NDE1: variants seen among roughly 807,000 people sequenced by gnomAD.
The protein encoded by NDE1 is nuclear distribution protein nudE homolog 1.
NDE1 carries 28 observed loss-of-function variants against 43.4 expected under a neutral mutation model. The ratio of observed to expected loss-of-function variants is 0.65; its 90% CI spans 0.48 to 0.89. The LOEUF is 0.89. Ranked by LOEUF, NDE1 falls within the 40% of genes least tolerant of loss-of-function variation. The pLI is 0.00. For synonymous variants in NDE1, 184 were observed against 172.0 expected, an observed-to-expected ratio of 1.07 and a Z score of -0.55; for missense variants, 441 against 434.1, an observed-to-expected ratio of 1.02 and a Z score of -0.14.
At chr16:15,689,479 C>G (rs1394236923) in intron 5 of NDE1, among the ~76,000 whole-genome samples, 1 of 152,154 alleles carries the variant, frequency 6.6e-6, no homozygotes, top group Non-Finnish European at 1.5e-5. Context: ...GTGACTGAGT[C>G]AGACCCTGTC....
chr16:15,659,602 A>G (rs2036945975), intron 1 of NDE1, among the ~76,000 whole-genome samples: 1 of 151,018 alleles, frequency 6.6e-6, no homozygotes. Context: ...ATGCCCGGCT[A>G]ATTTTTATAT....
chr16:15,694,822 G>A, intron 7 of NDE1: 3 of 985,332 alleles, frequency 3.0e-6, no homozygotes, highest in Non-Finnish European at 3.6e-6. Context: ...GGAAATTTGG[G>A]AAATTAGGGT....
At chr16:15,695,858 G>C (rs1265725918) in intron 7 of NDE1, 10 of 283,952 alleles carry the variant, frequency 3.5e-5, no homozygotes, top group Non-Finnish European at 5.3e-5. Context: ...TTTCCTCAGG[G>C]TCTGTTGTAG....
chr16:15,709,396 C>T (rs977030858), intron 8 of NDE1, among the ~76,000 whole-genome samples: 1 of 151,868 alleles, frequency 6.6e-6, no homozygotes, highest in African/African-American at 2.4e-5. Flanking sequence ...CTCACTGCAA[C>T]CTCCACCTCC....
Position 15,718,365 on chromosome 16 carries a change from GCTC to G in NDE1, c.948-5818_948-5816del, listed in dbSNP as rs748859355. 12 of 1,607,808 alleles carry G rather than the reference GCTC, an allele frequency of 7.5e-6. No homozygotes were observed. The highest frequency in any genetic ancestry group is 6.7e-5 in the Admixed American group (4 of 59,898). ...TCGCTCATGGCCTCCATGTTGCCCT[GCTC>G]CTCCTCCAGCTCCTCCTCCAGCTGG... On this transcript the variant is annotated intron_variant, in intron 8 of 8. Coordinates refer to ENST00000396354, the MANE Select transcript of NDE1 (RefSeq NM_017668.3).
intron 1 of NDE1, among the ~76,000 whole-genome samples, chr16:15,645,230 A>C (rs1043528377): frequency 1.3e-5 from 2 of 152,030 alleles, no homozygotes; most frequent in Admixed American, 6.6e-5. Flanking sequence ...CTTTATATGT[A>C]TATTTTTCTT....
intron 8 of NDE1, among the ~76,000 whole-genome samples, chr16:15,707,824 T>G (rs2039539028): frequency 6.6e-6 from 1 of 152,028 alleles, no homozygotes; most frequent in Non-Finnish European, 1.5e-5. Context: ...ATACAAAAAT[T>G]AGCTGGGCGA....
chr16:15,700,225 T>TA (rs1334902736), intron 8 of NDE1: 6 of 527,172 alleles, frequency 1.1e-5, no homozygotes, highest in Non-Finnish European at 1.5e-5. Context: ...GTCTTCCAGG[T>TA]AGCTGGGATT....
At chr16:15,695,447 G>A in intron 7 of NDE1, 1 of 957,770 alleles carries the variant, frequency 1.0e-6, no homozygotes. Flanking sequence ...GGCGGAGGTT[G>A]CAGTGAGCTG....
chr16:15,715,374 G>A (rs1379745256), intron 8 of NDE1: 25 of 1,002,956 alleles, frequency 2.5e-5, no homozygotes, highest in East Asian at 1.9e-4. Context: ...CCTGAGCCCC[G>A]TATCTGGACT....
chr16:15,687,298 C>T (rs557762719), intron 4 of NDE1, 77 bp from the exon 5 acceptor site: 34 of 1,609,602 alleles, frequency 2.1e-5, no homozygotes, highest in South Asian at 2.0e-4. Context: ...TCTGACCCTT[C>T]GCACCTCCTG....
Position 15,703,880 on chromosome 16 carries a change from T to C in NDE1, c.947+7020T>C. The C allele has an allele frequency of 2.9e-6, 4 of 1,401,946 alleles. No individual in the cohort carries two copies. In the South Asian group the frequency reaches 4.6e-5, roughly 16 times the overall value. The allele number at this position is 1,401,946 out of a possible 1,614,324, so 86.8% of individuals were successfully genotyped here. A position where few individuals can be genotyped will look rare whatever the true frequency, so the allele number is the denominator to read the frequency against. On this transcript the variant is annotated intron_variant, in intron 8 of 8. Coordinates refer to ENST00000396354, the MANE Select transcript of NDE1 (RefSeq NM_017668.3). Reference sequence around the variant, plus strand: ...ATTTGAGAATGGATTTAGACAATGCTAAGTACAGTCTGCTGGGTTTTGCTT... The same window carrying C: ...ATTTGAGAATGGATTTAGACAATGCCAAGTACAGTCTGCTGGGTTTTGCTT...
At chr16:15,710,428 G>A (rs2039714330) in intron 8 of NDE1, among the ~76,000 whole-genome samples, 1 of 152,180 alleles carries the variant, frequency 6.6e-6, no homozygotes, top group Non-Finnish European at 1.5e-5. Flanking sequence ...GGCTGAGGCA[G>A]GAGAATCGCT....
chr16:15,699,460 C>G, intron 8 of NDE1: 1 of 908,432 alleles, frequency 1.1e-6, no homozygotes, highest in East Asian at 8.6e-5. Flanking sequence ...GACAGGGTCT[C>G]ACTATGTTGC....
chr16:15,674,087 T>C (rs897130753), intron 3 of NDE1, among the ~76,000 whole-genome samples: 1 of 152,102 alleles, frequency 6.6e-6, no homozygotes, highest in African/African-American at 2.4e-5. Context: ...ACAGAATAAG[T>C]ATGTAATGGA....
At chr16:15,653,137 G>C (rs1156420244) in intron 1 of NDE1, among the ~76,000 whole-genome samples, 1 of 152,004 alleles carries the variant, frequency 6.6e-6, no homozygotes, top group East Asian at 1.9e-4. Context: ...AACAAAAATG[G>C]GCACCCATTT....
intron 8 of NDE1, among the ~76,000 whole-genome samples, chr16:15,723,618 C>G (rs1003963492): frequency 7.2e-5 from 11 of 152,168 alleles, no homozygotes; most frequent in African/African-American, 2.7e-4. Context: ...TGCACTCCAG[C>G]CTGGGTGACA....
exon 1 of NDE1, chr16:15,643,570 C>CT (rs796579453): frequency 0.019 from 4,878 of 260,198 alleles, no homozygotes; most frequent in South Asian, 0.034. Context: ...GTCCCTTCGG[C>CT]TTTTTTTTTT....
chr16:15,651,244 A>G (rs531842887), intron 1 of NDE1, among the ~76,000 whole-genome samples: 20 of 152,250 alleles, frequency 1.3e-4, no homozygotes, highest in African/African-American at 4.6e-4. Context: ...CTTTCTAAAG[A>G]AAAGGCCTTT....
Sources: gnomAD v4.1 joint callset for allele counts (sites outside exome capture counted in the v4.1 genomes callset) on GRCh38, gnomAD v4.1.1 for gene constraint, MANE v1.5 for transcripts, NCBI Gene and HGNC (gene_info 2026-07-23, HGNC 2026-07-21) for gene names.